The following ABCA7 variants were observed in gnomAD, a reference collection of about 807,000 sequenced individuals.
ABCA7 encodes the protein ATP binding cassette subfamily A member 7, also known as phospholipid-transporting ATPase ABCA7.
Under a neutral mutation model 227.6 loss-of-function variants are expected in ABCA7, and 261 were observed. That is an observed-to-expected ratio of 1.15 (90% CI 1.04 to 1.27). The LOEUF (loss-of-function observed/expected upper bound fraction) is 1.27. ABCA7 is among the 50% of genes most tolerant of loss of function. ABCA7 has a pLI of 0.00. For synonymous variants in ABCA7, 1,488 were observed against 1,279.7 expected (o/e 1.16, Z -3.47); for missense variants, 3,331 against 2,924.5 (o/e 1.14, Z -3.21).
At chr19:1,052,347 G>T in intron 23 of ABCA7, 61 bp downstream of exon 23, 1 of 1,341,788 alleles carries the variant, frequency 7.5e-7, no homozygotes, top group South Asian at 1.3e-5. Flanking sequence ...GCCTTAACTT[G>T]AGGAGGAGGA....
At position 1,056,095 on chromosome 19, in the gene ABCA7, A is replaced by T. The variant is rs1250053786; in HGVS notation, c.4268A>T (p.Asp1423Val). 1 of 1,603,048 alleles carries T rather than the reference A, an allele frequency of 6.2e-7. No homozygotes were observed. ...RYGGFSLGGRDPGLPSGQELG... is the reference protein window; with the variant it reads ...RYGGFSLGGRVPGLPSGQELG... ...GGAGGCTTCTCGCTGGGGGGCCGAG[A>T]CCCAGGCCTGCCCTCGGGCCAAGAG... is the stretch of plus-strand genomic sequence containing the variant. Residue 1423 changes from aspartate to valine, a missense_variant, in exon 32 of 47, where the codon GAC becomes GTC. Asp to Val is a radical substitution (Grantham distance 152). Transcript: ENST00000263094. The surrounding 1 kb of genome is among the most constrained non-coding windows in gnomAD (Gnocchi z 4.3).
At position 1,056,020 on chromosome 19, in the gene ABCA7, C is replaced by T. The variant is rs948465904; in HGVS notation, c.4239-46C>T. The stretch of plus-strand genomic sequence containing the variant: ...GCCTGCCCCCTGGGAGCTCTCCCGG[C>T]CCCCCCGGCCCTCAGCTCCCCTTCC... On this transcript the variant is annotated intron_variant, in intron 31 of 46. Transcript: ENST00000263094. This position sits in a 1 kb window ranked among gnomAD's most constrained non-coding sequence, Gnocchi z 4.3. 3 of 473,956 alleles carry T rather than the reference C, an allele frequency of 6.3e-6. No homozygotes were observed. The highest frequency in any genetic ancestry group is 9.9e-5 in the South Asian group (2 of 20,148). The allele number at this position is 473,956 out of a possible 1,614,324, so 29.4% of individuals were successfully genotyped here. A position where few individuals can be genotyped will look rare whatever the true frequency, so the allele number is the denominator to read the frequency against.
rs1294291026 is a variant in ABCA7 at position 1,044,557 on chromosome 19, CT to C, written c.1048-17del. The C allele has an allele frequency of 1.2e-6, 2 of 1,604,348 alleles. No homozygotes were observed. The highest frequency in any genetic ancestry group is 1.7e-6 in the Non-Finnish European group (2 of 1,174,570). On this transcript the variant is annotated intron_variant, in intron 10 of 46. Coordinates refer to ENST00000263094, the MANE Select transcript of ABCA7 (RefSeq NM_019112.4). ...CCACTGTGCCCGACCCAGACTCTCA[CT>C]TTCACCTGCGCCCCCCAGCGGCTCC...
In ABCA7 at chr19:1,056,064, A is replaced by T. The variant is rs2042225127; in HGVS notation, c.4239-2A>T. 1 of 1,580,056 alleles carries T rather than the reference A, an allele frequency of 6.3e-7. No individual in the cohort carries two copies. The highest frequency in any genetic ancestry group is 8.6e-7 in the Non-Finnish European group (1 of 1,160,596). Reference sequence around the variant, plus strand: ...CCCTTCCCTGCCTGCATGGCCCCACAGATACGGAGGCTTCTCGCTGGGGGG... The same window carrying T: ...CCCTTCCCTGCCTGCATGGCCCCACTGATACGGAGGCTTCTCGCTGGGGGG... On this transcript the variant is annotated splice_acceptor_variant, in intron 31 of 46. Coordinates refer to ENST00000263094, the MANE Select transcript of ABCA7 (RefSeq NM_019112.4). LOFTEE classifies it high-confidence loss of function. This position sits in a 1 kb window ranked among gnomAD's most constrained non-coding sequence, Gnocchi z 4.3.
chr19:1,046,510 A>G, intron 13 of ABCA7, 104 bp downstream of exon 13: 1 of 1,458,732 alleles, frequency 6.9e-7, no homozygotes, highest in Non-Finnish European at 9.1e-7. Flanking sequence ...CCAGGCTGCG[A>G]ACTTTGCACC....
In ABCA7 at chr19:1,049,100, C is replaced by T. The variant is rs1440806842; in HGVS notation, c.2380+95C>T. 3.1e-6 allele frequency: 3 copies of T among 972,090 alleles called. No individual in the cohort carries two copies. The East Asian group carries it at 7.5e-5, about 24-fold the overall frequency. 60.2% of individuals were successfully genotyped at this position (972,090 alleles called of 1,614,324 possible). A position where few individuals can be genotyped will look rare whatever the true frequency, so the allele number is the denominator to read the frequency against. On this transcript the variant is annotated intron_variant, in intron 17 of 46. Transcript: ENST00000263094. ...CAGATGCCAATGACAATGACCTGGA[C>T]ACCCCAACCCTCACACCTGCCCTGA...
chr19:1,054,334 T>C lies in ABCA7; in HGVS notation c.3719T>C (p.Phe1240Ser). Residue 1240 changes from phenylalanine (F) to serine (S), a missense_variant, in exon 27 of 47, where the codon TTC (phenylalanine) becomes TCC (serine). Coordinates refer to ENST00000263094, the MANE Select transcript of ABCA7 (RefSeq NM_019112.4). The surrounding 1 kb of genome is among the most constrained non-coding windows in gnomAD (Gnocchi z 4.8). ...GCCCGCCGCAGCCGCCGCGGCCTGT[T>C]CGCCCAGGTGAGGAGGGCTAGCACC... ...LLARRSRRGL[F>S]AQIVLPALFV... 1 of 1,597,594 alleles carries C rather than the reference T, an allele frequency of 6.3e-7. No homozygotes were observed. The highest frequency in any genetic ancestry group is 1.1e-5 in the South Asian group (1 of 90,518).
chr19:1,062,074 C>T (rs546584092), intron 41 of ABCA7, 98 bp from the exon 42 acceptor site: 7 of 1,537,772 alleles, frequency 4.6e-6, no homozygotes, highest in Middle Eastern at 1.7e-4. Flanking sequence ...CCCTTATCAG[C>T]GTGGCCCTGG....
At position 1,056,001 on chromosome 19, in the gene ABCA7, C is replaced by T; in HGVS notation, c.4238+62C>T. On this transcript the variant is annotated intron_variant, in intron 31 of 46. Transcript: ENST00000263094. This position sits in a 1 kb window ranked among gnomAD's most constrained non-coding sequence, Gnocchi z 4.3. ...TTCCACTCCCATGCCCTCTGCCTGC[C>T]CCCTGGGAGCTCTCCCGGCCCCCCC... is the stretch of plus-strand genomic sequence containing the variant. 2 of 1,545,646 alleles carry T rather than the reference C, an allele frequency of 1.3e-6. No individual in the cohort carries two copies. The highest frequency in any genetic ancestry group is 2.4e-5 in the South Asian group (2 of 83,172).
At chr19:1,046,521 T>C in intron 13 of ABCA7, 115 bp downstream of exon 13, 1 of 1,381,694 alleles carries the variant, frequency 7.2e-7, no homozygotes, top group Non-Finnish European at 9.7e-7. Context: ...ACTTTGCACC[T>C]TTACACCACT....
In ABCA7 at chr19:1,065,472, G is replaced by A. The variant is rs1412012387; in HGVS notation, c.*47G>A. On this transcript the variant is annotated 3_prime_UTR_variant, in exon 47 of 47. Coordinates refer to ENST00000263094, the MANE Select transcript of ABCA7 (RefSeq NM_019112.4). ...GCGGGGAGGCCCTGGGAATGGCAAGGGCAAGGTAGAGTGCCTAGGAGCCCT... is the reference window on the plus strand; with the variant it reads ...GCGGGGAGGCCCTGGGAATGGCAAGAGCAAGGTAGAGTGCCTAGGAGCCCT... 1.9e-6 allele frequency: 3 copies of A among 1,605,190 alleles called. No individual in the cohort carries two copies. The highest frequency in any genetic ancestry group is 3.4e-5 in the Admixed American group (2 of 59,636).
chr19:1,044,662 AC>A lies in ABCA7; in HGVS notation c.1136del (p.Pro379LeufsTer25), dbSNP rs1434518976. The A allele has an allele frequency of 3.2e-5, 51 of 1,612,948 alleles. No homozygotes were observed. The highest frequency in any genetic ancestry group is 4.3e-5 in the Non-Finnish European group (51 of 1,179,956). On this transcript the variant is annotated frameshift_variant, in exon 11 of 47. Transcript: ENST00000263094. LOFTEE classifies it high-confidence loss of function. ...ATGGAGGCCCTGCGATCCTTTCTGG[AC>A]CCTGGGAGCGGTGGCTACAGCTGGC... ...DHMEALRSFL[D>X]PGSGGYSWQD...
chr19:1,064,144 G>T lies in ABCA7; in HGVS notation c.5952-17G>T. ...TGGCCCCGGCCTCACGGAGCTCGTG[G>T]TGCCGGGTCCCGACAGCATGGAGGA... is the stretch of plus-strand genomic sequence containing the variant. On this transcript the variant is annotated splice_polypyrimidine_tract_variant and intron_variant, in intron 44 of 46. Transcript: ENST00000263094. The T allele has an allele frequency of 6.5e-7, 1 of 1,545,396 alleles. No homozygotes were observed. Among genetic ancestry groups the T allele is most frequent in the South Asian group, 1.2e-5 (1 of 83,796 alleles).
At chr19:1,052,356 G>C in intron 23 of ABCA7, 70 bp downstream of exon 23, 2 of 1,320,112 alleles carry the variant, frequency 1.5e-6, no homozygotes, top group Middle Eastern at 2.6e-4. Context: ...TGAGGAGGAG[G>C]AGGGGGAGGG....
Position 1,052,059 on chromosome 19 carries a change from G to A in ABCA7, c.3080G>A (p.Arg1027His), listed in dbSNP as rs146278525. 160 of 1,612,236 alleles carry A rather than the reference G, an allele frequency of 9.9e-5. 2 individuals are homozygous for A. Among genetic ancestry groups the A allele is most frequent in the Middle Eastern group, 5.0e-4 (3 of 6,032 alleles). Residue 1027 changes from arginine (R) to histidine (H), a missense_variant, in exon 22 of 47, where the codon CGT (arginine) becomes CAT (histidine). Transcript: ENST00000263094. ...TGTGGCTCCCCACTCTTCCTGCGCC[G>A]TCACCTGGGCTCCGGCTACTACCTG... Reference protein sequence around the residue: ...CCCGSPLFLRRHLGSGYYLTL... With the variant: ...CCCGSPLFLRHHLGSGYYLTL...
chr19:1,052,428 G>A lies in ABCA7; in HGVS notation c.3220+142G>A, dbSNP rs1313088052. On this transcript the variant is annotated intron_variant, in intron 23 of 46. Transcript: ENST00000263094. The stretch of plus-strand genomic sequence containing the variant: ...GGTTGAGGCGGAGGAGGAGGGGGAG[G>A]AGGAGGGGGAGGAGTAAGAGGTGGA... 9 of 272,660 alleles carry A rather than the reference G, an allele frequency of 3.3e-5. No homozygotes were observed. In the African/African-American group the frequency reaches 8.1e-4, roughly 25 times the overall value. 16.9% of individuals were successfully genotyped at this position (272,660 alleles called of 1,614,324 possible). A position where few individuals can be genotyped will look rare whatever the true frequency, so the allele number is the denominator to read the frequency against.
chr19:1,063,006 C>G (rs1968457), intron 42 of ABCA7, among the ~76,000 whole-genome samples: 1 of 39,444 alleles, frequency 2.5e-5, no homozygotes, highest in African/African-American at 1.4e-4. Context: ...CATACTCATG[C>G]TGGCTCCACC....
In ABCA7 at chr19:1,041,894, G is replaced by A; in HGVS notation, c.224G>A (p.Cys75Tyr). The A allele has an allele frequency of 6.2e-7, 1 of 1,601,730 alleles. No individual in the cohort carries two copies. The highest frequency in any genetic ancestry group is 8.5e-7 in the Non-Finnish European group (1 of 1,178,836). ...GTVPWLQGLI[C>Y]NVNNTCFPQL... is the part of the protein sequence containing the mutation. ...GTGCCCTGGCTCCAGGGTCTCATCT[G>A]TAATGTGAACAACACCTGCTTTCCG... The change falls in exon 4 of 47, where the codon TGT becomes TAT. Residue 75 changes from cysteine (C) to tyrosine (Y), a missense_variant. Coordinates refer to ENST00000263094, the MANE Select transcript of ABCA7 (RefSeq NM_019112.4).
intron 44 of ABCA7, 140 bp from the exon 45 acceptor site, chr19:1,064,021 C>T: frequency 1.5e-6 from 2 of 1,328,842 alleles, no homozygotes; most frequent in Non-Finnish European, 2.0e-6. Context: ...TGGGACGCGG[C>T]GCCGGGATCA....
Sources: allele counts gnomAD v4.1 joint callset (sites outside exome capture counted in the v4.1 genomes callset), GRCh38; gene constraint gnomAD v4.1.1; non-coding constraint Gnocchi (gnomAD v3.1); transcripts MANE v1.5; gene names NCBI Gene and HGNC (gene_info 2026-07-23, HGNC 2026-07-21).